Variants in CELF4 observed in about 807,000 individuals in gnomAD.
CELF4 encodes CUGBP Elav-like family member 4.
Under a neutral mutation model 59.9 loss-of-function variants are expected in CELF4, and 18 were observed. The observed-to-expected ratio is 0.30, with a 90% confidence interval of 0.21 to 0.45. The LOEUF is 0.45. CELF4 is among the 20% of genes least tolerant of loss of function. CELF4 has a pLI of 1.00. For synonymous variants in CELF4, 261 were observed against 267.1 expected, an observed-to-expected ratio of 0.98 and a Z score of 0.22; for missense variants, 456 against 689.0, an observed-to-expected ratio of 0.66 and a Z score of 3.79.
intron 3 of CELF4, among the ~76,000 whole-genome samples, chr18:37,300,883 A>AG (rs2095986443): frequency 6.6e-6 from 1 of 152,174 alleles, no homozygotes; most frequent in Non-Finnish European, 1.5e-5. Context: ...GCTAGTGCAA[A>AG]GGCCCAGAGC....
Position 37,492,439 on chromosome 18 carries a change from C to T in CELF4, c.287-6832G>A, listed in dbSNP as rs116440671. ...TATAGTAGCATCTCTGGGAGTGGAT[C>T]GCAAGAGGGAGGGAGGGAAAGTCCA... On this transcript the variant is annotated intron_variant, in intron 1 of 12. Coordinates refer to ENST00000420428, the MANE Select transcript of CELF4 (RefSeq NM_020180.4). 6.1e-3 allele frequency among the ~76,000 whole-genome samples: 931 copies of T among 152,120 alleles called. 15 individuals carry two copies. The highest frequency in any genetic ancestry group is 0.02 in the African/African-American group (839 of 41,486).
chr18:37,397,640 A>C (rs2099261590), intron 2 of CELF4, among the ~76,000 whole-genome samples: 1 of 152,194 alleles, frequency 6.6e-6, no homozygotes. Flanking sequence ...GCTGCCCAGA[A>C]ACCAGGCCCA....
chr18:37,386,936 T>C (rs1469669409), intron 2 of CELF4, among the ~76,000 whole-genome samples: 1 of 152,198 alleles, frequency 6.6e-6, no homozygotes, highest in Non-Finnish European at 1.5e-5. Context: ...CTCAGTGACC[T>C]GAAGAAGAAG....
At chr18:37,516,666 A>G (rs2099950942) in intron 1 of CELF4, among the ~76,000 whole-genome samples, 1 of 152,240 alleles carries the variant, frequency 6.6e-6, no homozygotes, top group Admixed American at 6.5e-5. Flanking sequence ...TGACTTATTC[A>G]AGGCTGAACA....
At chr18:37,351,615 T>C (rs112490010) in intron 2 of CELF4, among the ~76,000 whole-genome samples, 19,426 of 130,978 alleles carry the variant, frequency 0.15, 1,211 homozygotes, top group South Asian at 0.23. Context: ...CTTCTTCTTT[T>C]TTTTTTTTTT....
chr18:37,275,157 C>G lies in CELF4; in HGVS notation c.535G>C (p.Glu179Gln). The G allele has an allele frequency of 6.2e-7, 1 of 1,613,554 alleles. No homozygotes were observed. Among genetic ancestry groups the G allele is most frequent in the Non-Finnish European group, 8.5e-7 (1 of 1,179,878 alleles). Residue 179 changes from glutamate (E) to glutamine (Q), a missense_variant, in exon 4 of 13, where the codon GAG becomes CAG. Around this residue, in one of 7 missense-constraint regions of CELF4, gnomAD observed 56 missense variants for 92.0 expected, o/e 0.61. Transcript: ENST00000420428. ...GGCCCGCGCAGGATGGTGCACTCCT[C>G]GATGTTCCCAAAGGCCTCGAAAAGG... The part of the protein sequence containing the change: ...RRLFEAFGNI[E>Q]ECTILRGPDG...
At chr18:37,474,365 G>C (rs2099842764) in intron 2 of CELF4, among the ~76,000 whole-genome samples, 1 of 152,206 alleles carries the variant, frequency 6.6e-6, no homozygotes, top group Non-Finnish European at 1.5e-5. Context: ...CACCTCGAGG[G>C]CCACTGCCCT....
intron 12 of CELF4, among the ~76,000 whole-genome samples, chr18:37,248,501 G>A (rs763849008): frequency 1.3e-5 from 2 of 152,074 alleles, no homozygotes; most frequent in Non-Finnish European, 2.9e-5. Context: ...AGAGGCGAGC[G>A]CCTCCAGCCT....
chr18:37,482,324 G>T (rs1453308730), intron 2 of CELF4, among the ~76,000 whole-genome samples: 11 of 152,172 alleles, frequency 7.2e-5, no homozygotes, highest in African/African-American at 2.2e-4. Context: ...AGGAAGTCAG[G>T]AAAGAGTGAG....
chr18:37,416,296 T>C (rs1281196950), intron 2 of CELF4, among the ~76,000 whole-genome samples: 3 of 152,166 alleles, frequency 2.0e-5, no homozygotes, highest in Non-Finnish European at 4.4e-5. Context: ...AATAATTTGC[T>C]CTTGCCTGTA....
At chr18:37,552,994 G>T (rs1362221762) in intron 1 of CELF4, among the ~76,000 whole-genome samples, 2 of 152,212 alleles carry the variant, frequency 1.3e-5, no homozygotes, top group African/African-American at 4.8e-5. Flanking sequence ...CCTTTAACTT[G>T]CTGTTCCTCT....
At chr18:37,264,557 A>G in intron 10 of CELF4, 117 bp downstream of exon 10, 2 of 824,268 alleles carry the variant, frequency 2.4e-6, no homozygotes, top group Middle Eastern at 3.4e-4. Context: ...CCACCTCAAC[A>G]CAGCACACAA....
chr18:37,373,209 G>A (rs529272107), intron 2 of CELF4, among the ~76,000 whole-genome samples: 1 of 152,346 alleles, frequency 6.6e-6, no homozygotes, highest in South Asian at 2.1e-4. Flanking sequence ...GCTCCAATGT[G>A]AGCCAGGTGA....
chr18:37,517,050 C>A (rs886301816), intron 1 of CELF4, among the ~76,000 whole-genome samples: 1 of 152,214 alleles, frequency 6.6e-6, no homozygotes, highest in Non-Finnish European at 1.5e-5. Flanking sequence ...CACATGCATG[C>A]CCCATCCAAG....
intron 3 of CELF4, among the ~76,000 whole-genome samples, chr18:37,315,727 C>T (rs1029023949): frequency 9.2e-5 from 14 of 152,180 alleles, no homozygotes; most frequent in African/African-American, 3.1e-4. Context: ...GAAACGTCCT[C>T]CCCAGGGACA....
At chr18:37,502,817 G>A (rs116978576) in intron 1 of CELF4, among the ~76,000 whole-genome samples, 301 of 152,226 alleles carry the variant, frequency 2.0e-3, no homozygotes, top group Non-Finnish European at 3.6e-3. Context: ...ATCTCACCTC[G>A]TCCAGGCAGC....
chr18:37,364,360 C>T (rs1355232932), intron 2 of CELF4, among the ~76,000 whole-genome samples: 4 of 152,226 alleles, frequency 2.6e-5, no homozygotes, highest in Non-Finnish European at 4.4e-5. Context: ...TTCTCCCTGG[C>T]AGCCACTTCA....
At chr18:37,258,824 T>A (rs2072078954) in intron 11 of CELF4, among the ~76,000 whole-genome samples, 1 of 152,178 alleles carries the variant, frequency 6.6e-6, no homozygotes, top group South Asian at 2.1e-4. Context: ...CTGCCCCTCC[T>A]ACCCCTGTCA....
At chr18:37,511,091 T>A (rs757727094) in intron 1 of CELF4, among the ~76,000 whole-genome samples, 4 of 152,202 alleles carry the variant, frequency 2.6e-5, no homozygotes, top group Non-Finnish European at 5.9e-5. Flanking sequence ...TGTTAAAAGA[T>A]TGAATGATGA....
Sources: allele counts gnomAD v4.1 joint callset (sites outside exome capture counted in the v4.1 genomes callset), GRCh38; gene constraint gnomAD v4.1.1; regional missense constraint gnomAD v4.1.1; transcripts MANE v1.5; gene names NCBI Gene and HGNC (gene_info 2026-07-23, HGNC 2026-07-21).